RP1L1: variants seen among roughly 807,000 people sequenced by gnomAD.
RP1L1 encodes the protein retinitis pigmentosa 1-like 1 protein.
In RP1L1, 27 loss-of-function variants were observed where a neutral mutation model predicts 15.7. That is an observed-to-expected ratio of 1.72 (90% CI 1.27 to 2.38). The LOEUF is 2.38. Ranked by LOEUF, RP1L1 falls within the 30% of genes most tolerant of loss-of-function variation. The pLI, the probability that RP1L1 is intolerant of heterozygous loss-of-function variation, is 0.00. For missense variants in RP1L1, 4,798 were observed against 3,075.9 expected (o/e 1.56, Z -13.24); for synonymous variants, 1,813 against 1,276.7 (o/e 1.42, Z -8.96).
chr8:10,649,393 T>C (rs1453984595), intron 1 of RP1L1, among the ~76,000 whole-genome samples: 1 of 152,180 alleles, frequency 6.6e-6, no homozygotes, highest in African/African-American at 2.4e-5. Flanking sequence ...CCTTCATTTG[T>C]GAATCCTCAG....
At chr8:10,639,096 G>C (rs1349706460) in intron 1 of RP1L1, among the ~76,000 whole-genome samples, 4 of 151,504 alleles carry the variant, frequency 2.6e-5, no homozygotes, top group Non-Finnish European at 4.4e-5. Flanking sequence ...AGTGAGCCGA[G>C]ATCGGACCCT....
Position 10,612,091 on chromosome 8 carries a change from G to A in RP1L1, c.2007C>T (p.His669=). ...GTGGGCTGTGGGTGTCCTTGCGGTA[G>A]TGAGAATGCCTGGGATGGCCTCTCG... is the stretch of plus-strand genomic sequence containing the variant. ...VAPRGHPRHS[H]YRKDTHSPLD... Residue 669 remains histidine, a synonymous_variant, in exon 4 of 4, where the codon CAC becomes CAT. Coordinates refer to ENST00000382483, the MANE Select transcript of RP1L1 (RefSeq NM_178857.6). The A allele has an allele frequency of 1.2e-6, 2 of 1,613,888 alleles. No homozygotes were observed. Among genetic ancestry groups the A allele is most frequent in the East Asian group, 2.2e-5 (1 of 44,878 alleles).
chr8:10,611,519 C>T lies in RP1L1; in HGVS notation c.2579G>A (p.Arg860Gln), dbSNP rs183579257. ...GRYCPTPPRG[R>Q]PCPQRRSSSC... ...GGAAGAGCGCCTCTGGGGGCAGGGC[C>T]GCCCCCTGGGCGGGGTGGGACAGTA... The change falls in exon 4 of 4, where the codon CGG becomes CAG. Residue 860 changes from arginine (R) to glutamine (Q), a missense_variant. By Grantham distance (43) the Arg-to-Gln change is conservative (BLOSUM62 1). Coordinates refer to ENST00000382483, the MANE Select transcript of RP1L1 (RefSeq NM_178857.6). 5.0e-4 allele frequency: 786 copies of T among 1,580,922 alleles called. 3 individuals are homozygous for T. In the African/African-American group the frequency reaches 9.2e-3, roughly 19 times the overall value.
At position 10,609,390 on chromosome 8, in the gene RP1L1, C is replaced by G. The variant is rs1041317341; in HGVS notation, c.4708G>C (p.Asp1570His). 2 of 1,612,386 alleles carry G rather than the reference C, an allele frequency of 1.2e-6. No individual in the cohort carries two copies. Among genetic ancestry groups the G allele is most frequent in the Admixed American group, 3.3e-5 (2 of 59,984 alleles). The change falls in exon 4 of 4, where the codon GAC (aspartate) becomes CAC (histidine). Residue 1570 changes from aspartate to histidine, a missense_variant. Asp to His is a moderately conservative substitution (Grantham distance 81). Coordinates refer to ENST00000382483, the MANE Select transcript of RP1L1 (RefSeq NM_178857.6). ...TTCTGGAGCTCTCTCTTGGTGCTGT[C>G]CTGGAGGCGTTGGGCCACGTCCTGC... is the stretch of plus-strand genomic sequence containing the variant. ...LQQDVAQRLQ[D>H]STKRELQKLQ... is the part of the protein sequence containing the mutation.
chr8:10,651,097 G>A (rs1798553319), intron 1 of RP1L1, among the ~76,000 whole-genome samples: 1 of 152,180 alleles, frequency 6.6e-6, no homozygotes, highest in African/African-American at 2.4e-5. Context: ...GATAAATCAG[G>A]AAGCAGGCTC....
At position 10,607,837 on chromosome 8, in the gene RP1L1, G is replaced by T; in HGVS notation, c.6261C>A (p.Ala2087=). 3 of 1,589,470 alleles carry T rather than the reference G, an allele frequency of 1.9e-6. No homozygotes were observed. The highest frequency in any genetic ancestry group is 2.6e-6 in the Non-Finnish European group (3 of 1,165,008). Residue 2087 remains alanine, a synonymous_variant, in exon 4 of 4, where the codon GCC becomes GCA. Transcript: ENST00000382483. The part of the protein sequence containing the change: ...EAHPESEDVD[A]QEAEGEAQPE... ...GCTGGGCCTCCCCTTCTGCCTCCTG[G>T]GCATCTACATCTTCTGACTCTGGGT...
At chr8:10,624,844 T>C (rs1427014599) in intron 1 of RP1L1, among the ~76,000 whole-genome samples, 1 of 152,150 alleles carries the variant, frequency 6.6e-6, no homozygotes, top group African/African-American at 2.4e-5. Context: ...TGGGTTTGAG[T>C]TGGGGTTTCT....
intron 1 of RP1L1, among the ~76,000 whole-genome samples, chr8:10,634,033 G>C (rs761751869): frequency 6.6e-6 from 1 of 152,156 alleles, no homozygotes; most frequent in Non-Finnish European, 1.5e-5. Context: ...CCCAGCTGCA[G>C]GCCTGAGGCA....
In RP1L1 at chr8:10,641,907, G is replaced by T. The variant is rs191060453; in HGVS notation, c.-20+12991C>A. 1.2e-4 allele frequency among the ~76,000 whole-genome samples: 18 copies of T among 152,326 alleles called. 1 individual carries two copies. The highest frequency in any genetic ancestry group is 2.4e-4 in the Non-Finnish European group (16 of 68,036). On this transcript the variant is annotated intron_variant, in intron 1 of 3. Transcript: ENST00000382483. Reference sequence around the variant, plus strand: ...GACAACATTATAGAAATGGAGAATAGATTAACATTTGCCAGGGTTGAGGAG... The same window carrying T: ...GACAACATTATAGAAATGGAGAATATATTAACATTTGCCAGGGTTGAGGAG...
chr8:10,611,403 G>A lies in RP1L1; in HGVS notation c.2695C>T (p.Pro899Ser). ...GCCCCTGAATTGGGGCCTGGGGACG[G>A]CGTGGGGCCTGGCTGGCGTGTCCCC... ...QEGTRQPGPT[P>S]SPGPNSGASR... Residue 899 changes from proline to serine, a missense_variant, in exon 4 of 4, where the codon CCG (proline) becomes TCG (serine). Coordinates refer to ENST00000382483, the MANE Select transcript of RP1L1 (RefSeq NM_178857.6). 2 of 1,600,260 alleles carry A rather than the reference G, an allele frequency of 1.2e-6. No homozygotes were observed. Among genetic ancestry groups the A allele is most frequent in the Non-Finnish European group, 8.5e-7 (1 of 1,175,176 alleles).
chr8:10,619,195 C>A lies in RP1L1; in HGVS notation c.610-2608G>T, dbSNP rs75104465. Among the ~76,000 whole-genome samples the A allele has an allele frequency of 4.9e-3, 742 of 152,296 alleles. 3 individuals carry two copies. Among genetic ancestry groups the A allele is most frequent in the African/African-American group, 0.017 (692 of 41,550 alleles). ...CAGTACTGCAGAGTTTAGAAAGCTGCCAGCCCATTTCCTGAACTCCCTTGC... is the reference window on the plus strand; with the variant it reads ...CAGTACTGCAGAGTTTAGAAAGCTGACAGCCCATTTCCTGAACTCCCTTGC... On this transcript the variant is annotated intron_variant, in intron 2 of 3. Coordinates refer to ENST00000382483, the MANE Select transcript of RP1L1 (RefSeq NM_178857.6).
At chr8:10,624,421 G>A (rs1165197001) in intron 1 of RP1L1, among the ~76,000 whole-genome samples, 1 of 152,220 alleles carries the variant, frequency 6.6e-6, no homozygotes, top group Non-Finnish European at 1.5e-5. Context: ...GGGTGTGACT[G>A]AATGCAGAGT....
chr8:10,617,789 C>T (rs1379843975), intron 2 of RP1L1, among the ~76,000 whole-genome samples: 3 of 152,050 alleles, frequency 2.0e-5, no homozygotes, highest in Non-Finnish European at 4.4e-5. Context: ...ATCTCCTGAC[C>T]TCGTGATCCG....
intron 1 of RP1L1, among the ~76,000 whole-genome samples, chr8:10,647,916 A>G (rs1483604539): frequency 6.6e-6 from 1 of 152,252 alleles, no homozygotes; most frequent in Non-Finnish European, 1.5e-5. Context: ...AGGAAACTCC[A>G]TTCTGCTGTC....
chr8:10,623,557 C>T (rs983047145), intron 1 of RP1L1, among the ~76,000 whole-genome samples: 1 of 151,802 alleles, frequency 6.6e-6, no homozygotes. Flanking sequence ...CAACCATGTC[C>T]CCAGCACCTC....
chr8:10,648,946 G>A (rs964609959), intron 1 of RP1L1, among the ~76,000 whole-genome samples: 2 of 152,222 alleles, frequency 1.3e-5, no homozygotes, highest in African/African-American at 4.8e-5. Flanking sequence ...ACGCTTCAGG[G>A]CCAGGGACAT....
intron 2 of RP1L1, among the ~76,000 whole-genome samples, chr8:10,617,399 CAAAAAAAA>C (rs369885056): frequency 3.2e-3 from 264 of 83,006 alleles, no homozygotes; most frequent in Non-Finnish European, 4.3e-3. Context: ...TGCTCATTAA[CAAAAAAAA>C]AAAAAAAAAA....
rs1168570410 is a variant in RP1L1, at chr8:10,612,482, G to A, written c.1616C>T (p.Thr539Ile). 1.4e-5 allele frequency: 22 copies of A among 1,612,494 alleles called. No individual in the cohort carries two copies. Among genetic ancestry groups the A allele is most frequent in the Non-Finnish European group, 1.6e-5 (19 of 1,180,010 alleles). Residue 539 changes from threonine (T) to isoleucine (I), a missense_variant, in exon 4 of 4, where the codon ACC becomes ATC. By Grantham distance (89) the Thr-to-Ile change is moderately conservative (BLOSUM62 -1). Transcript: ENST00000382483. ...EGASSDSSAS[T>I]GSHEGSSEWG... ...TTCGCTGGATCCCTCATGAGAGCCG[G>A]TGCTGGCTGACGAGTCCGAAGAAGC...
rs904888378 is a variant in RP1L1 at position 10,634,996 on chromosome 8, C to T, written c.-19-11776G>A. 3.9e-5 allele frequency among the ~76,000 whole-genome samples: 6 copies of T among 152,328 alleles called. No homozygotes were observed. The East Asian group carries it at 1.2e-3, about 29-fold the overall frequency. On this transcript the variant is annotated intron_variant, in intron 1 of 3. Coordinates refer to ENST00000382483, the MANE Select transcript of RP1L1 (RefSeq NM_178857.6). ...GGAGAGTGCTGGGGCTTCTCAGTCA[C>T]TTTTTCCCTGCAGTGCCACCTGGGA...
Sources: gnomAD v4.1 joint callset for allele counts (sites outside exome capture counted in the v4.1 genomes callset) on GRCh38, gnomAD v4.1.1 for gene constraint, MANE v1.5 for transcripts, NCBI Gene and HGNC (gene_info 2026-07-23, HGNC 2026-07-21) for gene names.